The following CACNA1D variants were observed in gnomAD, a reference collection of about 807,000 sequenced individuals.
CACNA1D encodes the protein voltage-dependent L-type calcium channel subunit alpha-1D.
In CACNA1D, 55 loss-of-function variants were observed where a neutral mutation model predicts 257.1. That is an observed-to-expected ratio of 0.21 (90% CI 0.17 to 0.27). The LOEUF (loss-of-function observed/expected upper bound fraction) is 0.27. CACNA1D is among the 10% of genes least tolerant of loss of function. CACNA1D has a pLI of 1.00. For missense variants in CACNA1D, 1,876 were observed against 2,784.0 expected, an observed-to-expected ratio of 0.67 and a Z score of 7.34; for synonymous variants, 980 against 1,014.9, an observed-to-expected ratio of 0.97 and a Z score of 0.65.
intron 11 of CACNA1D, 138 bp downstream of exon 11, chr3:53,719,919 C>A: frequency 1.2e-6 from 1 of 850,006 alleles, no homozygotes; most frequent in South Asian, 1.3e-5. Context: ...TGCAGTCAGT[C>A]AATTGAATCC....
At chr3:53,703,005 T>A (rs1424502670) in intron 9 of CACNA1D, among the ~76,000 whole-genome samples, 195 bp downstream of exon 9, 1 of 152,162 alleles carries the variant, frequency 6.6e-6, no homozygotes, top group African/African-American at 2.4e-5. Flanking sequence ...GCCTGAGGTT[T>A]GGGGTTTAGA....
At chr3:53,689,202 A>G (rs2094498318) in intron 8 of CACNA1D, among the ~76,000 whole-genome samples, 1 of 152,198 alleles carries the variant, frequency 6.6e-6, no homozygotes, top group African/African-American at 2.4e-5. Context: ...GAAAGGAAGC[A>G]AGTTGTCAGG....
intron 3 of CACNA1D, among the ~76,000 whole-genome samples, chr3:53,587,177 T>A (rs561949683): frequency 6.6e-6 from 1 of 152,152 alleles, no homozygotes; most frequent in South Asian, 2.1e-4. Flanking sequence ...GGCAGAAACA[T>A]GTGGGGAGGG....
intron 46 of CACNA1D, chr3:53,809,051 T>C (rs1422417912): frequency 4.3e-6 from 2 of 462,182 alleles, no homozygotes; most frequent in Non-Finnish European, 7.9e-6. Flanking sequence ...CACCACCTCT[T>C]CCTGGCATTG....
At chr3:53,784,687 G>A (rs1285649208) in intron 39 of CACNA1D, among the ~76,000 whole-genome samples, 1 of 152,138 alleles carries the variant, frequency 6.6e-6, no homozygotes, top group Non-Finnish European at 1.5e-5. Flanking sequence ...ACAGAGCCCT[G>A]GAATATAGAG....
At chr3:53,760,051 G>A (rs1347413932) in intron 29 of CACNA1D, among the ~76,000 whole-genome samples, 2 of 152,222 alleles carry the variant, frequency 1.3e-5, no homozygotes, top group African/African-American at 4.8e-5. Context: ...AGATGGGCCA[G>A]GGAGGGTAGC....
intron 3 of CACNA1D, among the ~76,000 whole-genome samples, chr3:53,631,064 C>G (rs1355391866): frequency 2.0e-5 from 3 of 152,158 alleles, no homozygotes; most frequent in Non-Finnish European, 2.9e-5. Flanking sequence ...GCTGACCGAT[C>G]ACAGTAGTGG....
chr3:53,513,456 A>G (rs1394708348), intron 3 of CACNA1D, among the ~76,000 whole-genome samples: 1 of 151,998 alleles, frequency 6.6e-6, no homozygotes, highest in Non-Finnish European at 1.5e-5. Context: ...AGCTGGTGAA[A>G]CCTCGTCTCT....
chr3:53,585,759 A>G (rs1205304269), intron 3 of CACNA1D, among the ~76,000 whole-genome samples: 1 of 152,174 alleles, frequency 6.6e-6, no homozygotes, highest in Admixed American at 6.5e-5. Flanking sequence ...CCACGCAGAC[A>G]GGGCTGTACC....
intron 3 of CACNA1D, among the ~76,000 whole-genome samples, chr3:53,508,316 T>C (rs1311840878): frequency 6.6e-6 from 1 of 151,994 alleles, no homozygotes; most frequent in Admixed American, 6.6e-5. Flanking sequence ...CCACATTTCT[T>C]TTTTTTTGTT....
intron 14 of CACNA1D, among the ~76,000 whole-genome samples, chr3:53,725,852 C>T (rs540366047): frequency 2.6e-5 from 4 of 152,224 alleles, no homozygotes; most frequent in African/African-American, 9.6e-5. Flanking sequence ...CTCTGTCTGT[C>T]GTCGGAAGAT....
intron 3 of CACNA1D, among the ~76,000 whole-genome samples, chr3:53,603,203 T>A (rs2093466845): frequency 6.6e-6 from 1 of 152,230 alleles, no homozygotes; most frequent in African/African-American, 2.4e-5. Context: ...CTTGAGAAAT[T>A]GTTCCAAATA....
intron 3 of CACNA1D, among the ~76,000 whole-genome samples, chr3:53,566,421 G>A (rs2092837652): frequency 6.6e-6 from 1 of 152,114 alleles, no homozygotes; most frequent in Admixed American, 6.5e-5. Context: ...CTGCTCGAAT[G>A]TCATCTTCTC....
At chr3:53,693,926 G>GA (rs201837281) in intron 8 of CACNA1D, among the ~76,000 whole-genome samples, 6 of 151,628 alleles carry the variant, frequency 4.0e-5, no homozygotes, top group Middle Eastern at 3.4e-3. Flanking sequence ...TGCAACACAA[G>GA]AAAAAAAAAT....
In CACNA1D at chr3:53,810,125, G is replaced by A. The variant is rs1191150721; in HGVS notation, c.6019G>A (p.Glu2007Lys). ...YTPLIQVEQS[E>K]ALDQVNGSLP... ...CCCCCTGATCCAAGTGGAGCAGTCA[G>A]AGGCCCTGGACCAGGTGAACGGCAG... is the stretch of plus-strand genomic sequence containing the variant. The change falls in exon 47 of 48, where the codon GAG becomes AAG. Residue 2007 changes from glutamate (E) to lysine (K), a missense_variant. Coordinates refer to ENST00000350061, the MANE Select transcript of CACNA1D (RefSeq NM_001128840.3). 2.5e-6 allele frequency: 4 copies of A among 1,614,016 alleles called. No individual in the cohort carries two copies. Among genetic ancestry groups the A allele is most frequent in the South Asian group, 2.2e-5 (2 of 91,082 alleles).
chr3:53,575,795 T>C (rs1338740068), intron 3 of CACNA1D, among the ~76,000 whole-genome samples: 1 of 152,208 alleles, frequency 6.6e-6, no homozygotes, highest in Non-Finnish European at 1.5e-5. Flanking sequence ...GAAAAGGTAT[T>C]AGACACCTGT....
intron 8 of CACNA1D, among the ~76,000 whole-genome samples, chr3:53,688,654 C>T (rs1379288914): frequency 1.3e-5 from 2 of 152,202 alleles, no homozygotes. Context: ...TCTCCAGGGC[C>T]TCACATCCTT....
At chr3:53,557,808 T>C (rs193199604) in intron 3 of CACNA1D, among the ~76,000 whole-genome samples, 1 of 152,352 alleles carries the variant, frequency 6.6e-6, no homozygotes, top group Admixed American at 6.5e-5. Flanking sequence ...TTCTCCAGTT[T>C]CTTATTTCTC....
chr3:53,798,610 C>A (rs2095520006), intron 40 of CACNA1D, among the ~76,000 whole-genome samples: 1 of 152,342 alleles, frequency 6.6e-6, no homozygotes, highest in East Asian at 1.9e-4. Context: ...GCTGCTCTAT[C>A]TTCACAGAAT....
Sources: allele counts gnomAD v4.1 joint callset (sites outside exome capture counted in the v4.1 genomes callset), GRCh38; gene constraint gnomAD v4.1.1; transcripts MANE v1.5; gene names NCBI Gene and HGNC (gene_info 2026-07-23, HGNC 2026-07-21).